The following SRGAP3 variants were observed in gnomAD, a reference collection of about 807,000 sequenced individuals.
SRGAP3 encodes the protein SLIT-ROBO Rho GTPase activating protein 3.
A neutral mutation model predicts 121.1 loss-of-function variants in SRGAP3; 39 were observed. The observed-to-expected ratio is 0.32, with a 90% CI of 0.25 to 0.42. The LOEUF is 0.42. Among genes scored for constraint, SRGAP3 ranks in the 10% least tolerant of loss-of-function variants. SRGAP3 has a pLI of 1.00. For missense variants in SRGAP3, 1,213 were observed against 1,470.6 expected, an observed-to-expected ratio of 0.82 and a Z score of 2.86; for synonymous variants, 601 against 570.0, an observed-to-expected ratio of 1.05 and a Z score of -0.77.
At chr3:9,190,965 G>A (rs957913856) in intron 1 of SRGAP3, among the ~76,000 whole-genome samples, 6 of 152,128 alleles carry the variant, frequency 3.9e-5, no homozygotes, top group African/African-American at 1.4e-4. Flanking sequence ...AAATCCTAAA[G>A]TTCCTTCAAG....
intron 1 of SRGAP3, among the ~76,000 whole-genome samples, chr3:9,212,567 T>C (rs544475383): frequency 7.9e-6 from 1 of 126,528 alleles, no homozygotes; most frequent in East Asian, 1.9e-4. Context: ...ATACAAAAAT[T>C]AGCTGGGTGT....
rs777613444 is a variant in SRGAP3, at chr3:8,990,751, T to C, written c.2647A>G (p.Ile883Val). 1.2e-6 allele frequency: 2 copies of C among 1,608,860 alleles called. No homozygotes were observed. The highest frequency in any genetic ancestry group is 1.7e-6 in the Non-Finnish European group (2 of 1,177,830). The part of the protein sequence containing the change: ...HSPPRGLGPS[I>V]DTPPRAAACP... The stretch of plus-strand genomic sequence containing the variant: ...GCAGCAGCCCGGGGTGGTGTGTCTA[T>C]GCTGGGGCCCAGGCCCCGGGGCGGG... The change falls in exon 21 of 22, where the codon ATA (isoleucine) becomes GTA (valine). Residue 883 changes from isoleucine to valine, a missense_variant. This residue lies in a region of SRGAP3 where 420 missense variants were observed against 437.7 expected (regional missense o/e 0.96). Coordinates refer to ENST00000383836, the MANE Select transcript of SRGAP3 (RefSeq NM_014850.4).
At chr3:9,060,999 A>G (rs1365389342) in intron 5 of SRGAP3, among the ~76,000 whole-genome samples, 1 of 152,216 alleles carries the variant, frequency 6.6e-6, no homozygotes, top group Non-Finnish European at 1.5e-5. Flanking sequence ...TGGGAGGCTG[A>G]GGCAGGCATA....
intron 18 of SRGAP3, among the ~76,000 whole-genome samples, chr3:9,000,281 G>C (rs1347761962): frequency 6.6e-6 from 1 of 152,222 alleles, no homozygotes; most frequent in Non-Finnish European, 1.5e-5. Flanking sequence ...CTTTGGGCAT[G>C]GCACCACTGA....
chr3:9,183,898 C>T (rs1161567108), intron 1 of SRGAP3, among the ~76,000 whole-genome samples: 1 of 152,074 alleles, frequency 6.6e-6, no homozygotes, highest in Non-Finnish European at 1.5e-5. Flanking sequence ...AAACTCAATC[C>T]TCTGCGGCTT....
At chr3:9,135,712 C>CA (rs1949619705) in intron 1 of SRGAP3, among the ~76,000 whole-genome samples, 2 of 152,226 alleles carry the variant, frequency 1.3e-5, no homozygotes, top group African/African-American at 4.8e-5. Flanking sequence ...CATGATGTGC[C>CA]AGGCACCTGG....
chr3:9,105,992 T>C (rs1379951204), intron 2 of SRGAP3, among the ~76,000 whole-genome samples: 3 of 152,256 alleles, frequency 2.0e-5, no homozygotes, highest in African/African-American at 7.2e-5. Context: ...AGTTGAATGC[T>C]ATCCTGAAAG....
At position 9,038,103 on chromosome 3, in the gene SRGAP3, G is replaced by T. The variant is rs1336939875; in HGVS notation, c.1409-13C>A. On this transcript the variant is annotated splice_polypyrimidine_tract_variant and intron_variant, in intron 10 of 21. Transcript: ENST00000383836. ...TCTGCTCTTTCCCCTGCAAAGAAAA[G>T]TATACATGAATGTTTAATTGCCTTT... The T allele has an allele frequency of 6.2e-7, 1 of 1,614,138 alleles. No individual in the cohort carries two copies. Among genetic ancestry groups the T allele is most frequent in the South Asian group, 1.1e-5 (1 of 91,082 alleles).
chr3:9,074,781 T>A (rs2125246551), intron 4 of SRGAP3, among the ~76,000 whole-genome samples: 1 of 152,324 alleles, frequency 6.6e-6, no homozygotes, highest in South Asian at 2.1e-4. Context: ...CCATACACAA[T>A]CAATCAAGGC....
intron 3 of SRGAP3, among the ~76,000 whole-genome samples, chr3:9,080,542 A>C (rs558601672): frequency 6.6e-6 from 1 of 152,280 alleles, no homozygotes; most frequent in Non-Finnish European, 1.5e-5. Flanking sequence ...CTTGAGAGTA[A>C]ATGATAATTC....
intron 11 of SRGAP3, chr3:9,035,204 G>T (rs1450418260): frequency 1.3e-5 from 2 of 152,474 alleles, no homozygotes; most frequent in African/African-American, 4.8e-5. Context: ...AGGAAGAGCG[G>T]AGACTCTAAA....
Position 9,360,439 on chromosome 3 carries a change from T to C in SRGAP3, n.214+2401A>G, listed in dbSNP as rs137970364. Among the ~76,000 whole-genome samples, 89 of 152,290 alleles carry C rather than the reference T, an allele frequency of 5.8e-4. 1 individual carries two copies. The highest frequency in any genetic ancestry group is 2.1e-3 in the African/African-American group (87 of 41,570). The stretch of plus-strand genomic sequence containing the variant: ...ATCCTAAGTCAGAAAGCATCTGTAG[T>C]GGAATTGGTGAGTAATGTGTTCTAT... On this transcript the variant is annotated intron_variant and non_coding_transcript_variant, in intron 1 of 3. Transcript: ENST00000490889.
intron 1 of SRGAP3, among the ~76,000 whole-genome samples, chr3:9,241,212 C>T (rs1053533006): frequency 7.2e-5 from 11 of 151,922 alleles, no homozygotes; most frequent in Non-Finnish European, 1.2e-4. Flanking sequence ...AAATTAGATA[C>T]TCCATATATG....
chr3:9,354,486 T>C (rs1309712164), intron 1 of SRGAP3, among the ~76,000 whole-genome samples: 3 of 152,054 alleles, frequency 2.0e-5, no homozygotes, highest in Non-Finnish European at 2.9e-5. Flanking sequence ...GAAACCATCC[T>C]GGCTAACACG....
intron 1 of SRGAP3, among the ~76,000 whole-genome samples, chr3:9,207,984 G>A (rs960101196): frequency 1.2e-4 from 19 of 152,084 alleles, no homozygotes; most frequent in Non-Finnish European, 2.8e-4. Context: ...TCTGTTACCT[G>A]AACCTCTTGT....
chr3:8,993,578 A>G (rs1203089006), intron 19 of SRGAP3, among the ~76,000 whole-genome samples: 1 of 152,058 alleles, frequency 6.6e-6, no homozygotes, highest in East Asian at 1.9e-4. Flanking sequence ...TGCTGTGGTG[A>G]CTTGTCCCTG....
chr3:9,229,163 G>T (rs1953109674), intron 1 of SRGAP3, among the ~76,000 whole-genome samples: 1 of 151,854 alleles, frequency 6.6e-6, no homozygotes, highest in Middle Eastern at 3.2e-3. Flanking sequence ...TGGAAGGAAA[G>T]GTGATATTAT....
chr3:9,065,202 A>T (rs1262705069), intron 4 of SRGAP3: 1 of 152,218 alleles, frequency 6.6e-6, no homozygotes, highest in East Asian at 1.9e-4. Flanking sequence ...CTCTGGAATA[A>T]ATTCATCCTT....
At chr3:9,232,764 T>C (rs1953262049) in intron 1 of SRGAP3, among the ~76,000 whole-genome samples, 1 of 152,154 alleles carries the variant, frequency 6.6e-6, no homozygotes, top group Non-Finnish European at 1.5e-5. Flanking sequence ...TCTGATTCAG[T>C]AGGTCTGGGG....
Sources: allele counts gnomAD v4.1 joint callset (sites outside exome capture counted in the v4.1 genomes callset), GRCh38; gene constraint gnomAD v4.1.1; regional missense constraint gnomAD v4.1.1; transcripts MANE v1.5; gene names NCBI Gene and HGNC (gene_info 2026-07-23, HGNC 2026-07-21).